DOK6: variants seen among roughly 807,000 people sequenced by gnomAD.
DOK6 encodes the protein downstream of tyrosine kinase 6.
DOK6 carries 22 observed loss-of-function variants against 44.0 expected under a neutral mutation model. That is an observed-to-expected ratio of 0.50 (90% CI 0.36 to 0.71). The LOEUF (loss-of-function observed/expected upper bound fraction) is 0.71, where lower values mean the gene tolerates loss of function less well. Ranked by LOEUF, DOK6 falls within the 30% of genes least tolerant of loss-of-function variation. DOK6 has a pLI of 0.00. For synonymous variants in DOK6, 166 were observed against 145.5 expected, an observed-to-expected ratio of 1.14 and a Z score of -1.01; for missense variants, 340 against 416.4, an observed-to-expected ratio of 0.82 and a Z score of 1.60.
At position 69,468,039 on chromosome 18, in the gene DOK6, C is replaced by T. The variant is rs984913747; in HGVS notation, c.66+66729C>T. 3.3e-5 allele frequency among the ~76,000 whole-genome samples: 5 copies of T among 152,072 alleles called. No homozygotes were observed. In the South Asian group the frequency reaches 1.0e-3, roughly 31 times the overall value. The stretch of plus-strand genomic sequence containing the variant: ...TATATTTTCAAATGAAATGCAAATT[C>T]CCCTGTTTCTTACTGTGTTTCTCAT... On this transcript the variant is annotated intron_variant, in intron 1 of 7. Transcript: ENST00000382713.
chr18:69,785,510 A>T (rs1387662146), intron 7 of DOK6, among the ~76,000 whole-genome samples: 1 of 152,214 alleles, frequency 6.6e-6, no homozygotes, highest in Non-Finnish European at 1.5e-5. Context: ...CATGAAAAAT[A>T]TCGAAGAGCA....
At chr18:69,734,952 T>C (rs960967949) in intron 5 of DOK6, among the ~76,000 whole-genome samples, 8 of 152,216 alleles carry the variant, frequency 5.3e-5, no homozygotes, top group Non-Finnish European at 1.5e-5. Flanking sequence ...GGGCGTGGTC[T>C]AGTAGTTCAA....
At chr18:69,698,341 G>C (rs7241894) in intron 4 of DOK6, 63 bp from the exon 5 acceptor site, 68 of 1,430,480 alleles carry the variant, frequency 4.8e-5, no homozygotes, top group Non-Finnish European at 6.1e-5. Flanking sequence ...AATTAATATC[G>C]TATGGCCATA....
At chr18:69,500,804 T>C (rs746089187) in intron 1 of DOK6, among the ~76,000 whole-genome samples, 3 of 152,204 alleles carry the variant, frequency 2.0e-5, no homozygotes, top group Non-Finnish European at 4.4e-5. Flanking sequence ...ACAAATATAA[T>C]AAATCATCAT....
intron 5 of DOK6, chr18:69,721,468 T>C (rs1320981350): frequency 6.6e-6 from 1 of 152,190 alleles, no homozygotes; most frequent in African/African-American, 2.4e-5. Context: ...CTTATGACAA[T>C]ATAAATTATA....
intron 1 of DOK6, among the ~76,000 whole-genome samples, chr18:69,486,208 T>C (rs1448174760): frequency 6.6e-6 from 1 of 152,070 alleles, no homozygotes; most frequent in African/African-American, 2.4e-5. Flanking sequence ...TTTATTGATA[T>C]CTTTAAACAT....
At chr18:69,680,718 C>T (rs1015879747) in intron 4 of DOK6, among the ~76,000 whole-genome samples, 2 of 152,146 alleles carry the variant, frequency 1.3e-5, no homozygotes, top group Non-Finnish European at 1.5e-5. Flanking sequence ...ATTTAGAATG[C>T]TCTCTCAAAC....
At chr18:69,576,334 T>G (rs1260427665) in intron 2 of DOK6, among the ~76,000 whole-genome samples, 1 of 152,140 alleles carries the variant, frequency 6.6e-6, no homozygotes. Context: ...ACTAAGCAGT[T>G]ACTTTGATAT....
At chr18:69,561,314 G>T (rs1308506417) in intron 1 of DOK6, among the ~76,000 whole-genome samples, 1 of 152,098 alleles carries the variant, frequency 6.6e-6, no homozygotes, top group African/African-American at 2.4e-5. Context: ...ATATCAAACT[G>T]TCTCTTCTTG....
chr18:69,711,118 C>T (rs1258009452), intron 5 of DOK6, among the ~76,000 whole-genome samples: 1 of 152,176 alleles, frequency 6.6e-6, no homozygotes, highest in Non-Finnish European at 1.5e-5. Context: ...TATATGGCAC[C>T]TGGAACACCG....
At chr18:69,665,498 G>C (rs970588627) in intron 3 of DOK6, among the ~76,000 whole-genome samples, 1 of 152,256 alleles carries the variant, frequency 6.6e-6, no homozygotes, top group East Asian at 1.9e-4. Flanking sequence ...CTGGGAGGGG[G>C]CCACCAGTCC....
intron 7 of DOK6, among the ~76,000 whole-genome samples, chr18:69,760,963 C>T (rs370575404): frequency 2.2e-4 from 24 of 111,402 alleles, no homozygotes; most frequent in Admixed American, 6.0e-4. Flanking sequence ...TGAAATCTTA[C>T]TGGGAAGCTG....
Position 69,757,742 on chromosome 18 carries a change from C to CT in DOK6, c.739-10dup. On this transcript the variant is annotated splice_polypyrimidine_tract_variant and intron_variant, in intron 6 of 7. Transcript: ENST00000382713. ...TTTAAAACGAGGCCTAAAACACATT[C>CT]TTTTCTCTTTTAGCTTCAGACAAGC... 6.2e-7 allele frequency: 1 copy of CT among 1,607,832 alleles called. No homozygotes were observed.
At chr18:69,459,111 A>C (rs546273027) in intron 1 of DOK6, among the ~76,000 whole-genome samples, 1 of 99,352 alleles carries the variant, frequency 1.0e-5, no homozygotes, top group Non-Finnish European at 2.0e-5. Context: ...CCCCCCCCCA[A>C]AAAAAAGGAA....
intron 1 of DOK6, among the ~76,000 whole-genome samples, chr18:69,428,228 A>G (rs1428774396): frequency 6.6e-6 from 1 of 152,084 alleles, no homozygotes; most frequent in East Asian, 1.9e-4. Flanking sequence ...AATATAGAGC[A>G]TATAGATTAT....
intron 6 of DOK6, among the ~76,000 whole-genome samples, chr18:69,757,244 T>C (rs1008484805): frequency 2.0e-5 from 3 of 152,104 alleles, no homozygotes; most frequent in African/African-American, 7.2e-5. Context: ...TTGTGTAAGG[T>C]TGGGAGGAAG....
rs1982329225 is a variant in DOK6, at chr18:69,845,595, G to C, written c.*4212G>C. 1 of 152,130 alleles carries C rather than the reference G, an allele frequency of 6.6e-6. No homozygotes were observed. Among genetic ancestry groups the C allele is most frequent in the African/African-American group, 2.4e-5 (1 of 41,426 alleles). 9.4% of individuals were successfully genotyped at this position (152,130 alleles called of 1,614,324 possible). A position where few individuals can be genotyped will look rare whatever the true frequency, so the allele number is the denominator to read the frequency against. On this transcript the variant is annotated 3_prime_UTR_variant, in exon 8 of 8. Coordinates refer to ENST00000382713, the MANE Select transcript of DOK6 (RefSeq NM_152721.6). ...ATGGAGAGAATAGAGAGGCAGGATG[G>C]CAACTAGTCATGAACGCAACAATTT...
In DOK6 at chr18:69,419,718, A is replaced by G. The variant is rs1599122053; in HGVS notation, c.66+18408A>G. Among the ~76,000 whole-genome samples, 6 of 152,310 alleles carry G rather than the reference A, an allele frequency of 3.9e-5. No individual in the cohort carries two copies. In the South Asian group the frequency reaches 1.0e-3, roughly 26 times the overall value. ...AAGGATGAAGAAGTAAAAAGATGGC[A>G]TTAATACCAACCCCAGCATTTACTA... On this transcript the variant is annotated intron_variant, in intron 1 of 7. Coordinates refer to ENST00000382713, the MANE Select transcript of DOK6 (RefSeq NM_152721.6).
intron 7 of DOK6, among the ~76,000 whole-genome samples, chr18:69,800,227 TACTC>T (rs1306008744): frequency 2.0e-5 from 3 of 152,170 alleles, no homozygotes; most frequent in Non-Finnish European, 4.4e-5. Flanking sequence ...TTCCTTTAGA[TACTC>T]TGCTTACCAA....
Sources: allele counts gnomAD v4.1 joint callset (sites outside exome capture counted in the v4.1 genomes callset), GRCh38; gene constraint gnomAD v4.1.1; transcripts MANE v1.5; gene names NCBI Gene and HGNC (gene_info 2026-07-23, HGNC 2026-07-21).